Variants in LDHD observed in about 807,000 individuals in gnomAD.
LDHD encodes lactate dehydrogenase D.
LDHD carries 58 observed loss-of-function variants against 52.9 expected under a neutral mutation model. The ratio of observed to expected loss-of-function variants is 1.10; its 90% CI spans 0.89 to 1.36. The LOEUF (loss-of-function observed/expected upper bound fraction) is 1.36, where lower values mean the gene tolerates loss of function less well. Ranked by LOEUF, LDHD falls within the 40% of genes most tolerant of loss-of-function variation. LDHD has a pLI of 0.00. For synonymous variants in LDHD, 350 were observed against 288.6 expected, an observed-to-expected ratio of 1.21 and a Z score of -2.16; for missense variants, 747 against 668.0, an observed-to-expected ratio of 1.12 and a Z score of -1.30.
chr16:75,112,288 G>A lies in LDHD; in HGVS notation c.*68C>T. 3 of 1,513,870 alleles carry A rather than the reference G, an allele frequency of 2.0e-6. No individual in the cohort carries two copies. The highest frequency in any genetic ancestry group is 2.7e-6 in the Non-Finnish European group (3 of 1,114,826). The allele number at this position is 1,513,870 out of a possible 1,614,324, so 93.8% of individuals were successfully genotyped here. A position where few individuals can be genotyped will look rare whatever the true frequency, so the allele number is the denominator to read the frequency against. On this transcript the variant is annotated 3_prime_UTR_variant, in exon 11 of 11. Transcript: ENST00000450168. The stretch of plus-strand genomic sequence containing the variant: ...CATCTATTTCCTTGCAGGGGCCGTG[G>A]CATGAAGAAAAGTTCCAGAACCGGC...
At position 75,114,154 on chromosome 16, in the gene LDHD, G is replaced by C; in HGVS notation, c.641C>G (p.Ala214Gly). ...GRGRHFRKSAAGYNLTGLFVG... is the reference protein window; with the variant it reads ...GRGRHFRKSAGGYNLTGLFVG... ...GAAGAGCCCCGTGAGGTTGTAGCCG[G>C]CTGCACTCTTCCTACGTCCCAGGGA... The change falls in exon 6 of 11, where the codon GCC becomes GGC. Residue 214 changes from alanine to glycine, a missense_variant. Physicochemically the swap from Ala to Gly is moderately conservative, Grantham distance 60 (BLOSUM62 0). Transcript: ENST00000450168. The C allele has an allele frequency of 6.2e-7, 1 of 1,612,674 alleles. No individual in the cohort carries two copies. Among genetic ancestry groups the C allele is most frequent in the Non-Finnish European group, 8.5e-7 (1 of 1,179,996 alleles).
At chr16:75,115,030 G>C in intron 3 of LDHD, 62 bp from the exon 4 acceptor site, 1 of 1,565,828 alleles carries the variant, frequency 6.4e-7, no homozygotes, top group Non-Finnish European at 8.7e-7. Flanking sequence ...CACGTCCCCG[G>C]ACCACACCCC....
intron 1 of LDHD, 57 bp downstream of exon 1, chr16:75,116,592 C>G (rs750990080): frequency 6.9e-7 from 1 of 1,447,340 alleles, no homozygotes; most frequent in Non-Finnish European, 9.6e-7. Flanking sequence ...GATCAGAACC[C>G]CCTGCTCCCC....
chr16:75,114,291 C>T, intron 5 of LDHD, 126 bp from the exon 6 acceptor site: 2 of 1,532,620 alleles, frequency 1.3e-6, no homozygotes, highest in Non-Finnish European at 8.7e-7. Context: ...TCCCTCGGGC[C>T]CAGTTTCCCT....
intron 7 of LDHD, 28 bp downstream of exon 7, chr16:75,113,714 C>G: frequency 1.2e-6 from 2 of 1,613,130 alleles, no homozygotes; most frequent in Non-Finnish European, 1.7e-6. Flanking sequence ...GGCAGCCCAC[C>G]CTGCTGCCCC....
In LDHD at chr16:75,115,545, T is replaced by C. The variant is rs1408347451; in HGVS notation, c.185+3A>G. The C allele has an allele frequency of 3.1e-6, 5 of 1,612,516 alleles. No homozygotes were observed. The East Asian group carries it at 6.7e-5, about 22-fold the overall frequency. On this transcript the variant is annotated splice_donor_region_variant and intron_variant, in intron 2 of 10. Coordinates refer to ENST00000450168, the MANE Select transcript of LDHD (RefSeq NM_194436.3). Reference sequence around the variant, plus strand: ...GGGGAGGGGCCCGCGAACCCTCCCATACCTGTGCACCGACTCATCGCGCCC... The same window carrying C: ...GGGGAGGGGCCCGCGAACCCTCCCACACCTGTGCACCGACTCATCGCGCCC...
At chr16:75,113,006 A>C in intron 8 of LDHD, 82 bp from the exon 9 acceptor site, 1 of 991,598 alleles carries the variant, frequency 1.0e-6, no homozygotes, top group Non-Finnish European at 1.6e-6. Context: ...GATGGGTCGG[A>C]GGGCACTGGG....
In LDHD at chr16:75,113,823, G is replaced by T. The variant is rs2036469470; in HGVS notation, c.877C>A (p.Leu293Met). The change falls in exon 7 of 11, where the codon CTG becomes ATG. Residue 293 changes from leucine to methionine, a missense_variant. Coordinates refer to ENST00000450168, the MANE Select transcript of LDHD (RefSeq NM_194436.3). ...AGTGTGGGCGCCACTAAGCAATTCA[G>T]CTTGCTGTACCTGTTGCAGGCATCC... Reference protein sequence around the residue: ...MMDACNRYSKLNCLVAPTLFL... With the variant: ...MMDACNRYSKMNCLVAPTLFL... 6.2e-7 allele frequency: 1 copy of T among 1,614,106 alleles called. No homozygotes were observed. The highest frequency in any genetic ancestry group is 1.6e-4 in the Middle Eastern group (1 of 6,062).
Position 75,114,115 on chromosome 16 carries a change from C to T in LDHD, c.680G>A (p.Gly227Glu), listed in dbSNP as rs1281106796. 4.3e-6 allele frequency: 7 copies of T among 1,612,460 alleles called. No individual in the cohort carries two copies. The Admixed American group carries it at 1.0e-4, about 23-fold the overall frequency. Residue 227 changes from glycine to glutamate, a missense_variant, in exon 6 of 11, where the codon GGG (glycine) becomes GAG (glutamate). Physicochemically the swap from Gly to Glu is moderately conservative, Grantham distance 98 (BLOSUM62 -2). Coordinates refer to ENST00000450168, the MANE Select transcript of LDHD (RefSeq NM_194436.3). The part of the protein sequence containing the change: ...NLTGLFVGSE[G>E]TLGLITATTL... Reference sequence around the variant, plus strand: ...GGTGGCTGTGATGAGGCCCAGCGTCCCCTCGGAGCCCACGAAGAGCCCCGT... The same window carrying T: ...GGTGGCTGTGATGAGGCCCAGCGTCTCCTCGGAGCCCACGAAGAGCCCCGT...
chr16:75,113,555 C>G lies in LDHD; in HGVS notation c.1066G>C (p.Ala356Pro). The G allele has an allele frequency of 6.2e-7, 1 of 1,611,504 alleles. No homozygotes were observed. Among genetic ancestry groups the G allele is most frequent in the Non-Finnish European group, 8.5e-7 (1 of 1,179,096 alleles). Residue 356 changes from alanine (A) to proline (P), a missense_variant, in exon 8 of 11, where the codon GCC (alanine) becomes CCC (proline). Transcript: ENST00000450168. ...ARHNAWYAAL[A>P]TRPGCKGYST... The stretch of plus-strand genomic sequence containing the variant: ...CTCACCTTGCAGCCTGGCCGCGTGG[C>G]CAGGGCTGCGTACCAGGCATTGTGC...
intron 6 of LDHD, 30 bp from the exon 7 acceptor site, chr16:75,113,900 AGGCCT>A: frequency 6.2e-7 from 1 of 1,612,480 alleles, no homozygotes; most frequent in Non-Finnish European, 8.5e-7. Flanking sequence ...AGGCCAGGTG[AGGCCT>A]GGCCTTCCCA....
At position 75,112,496 on chromosome 16, in the gene LDHD, ACGTT is replaced by A; in HGVS notation, c.1311_1314del (p.Thr438AlafsTer34). 1 of 1,613,386 alleles carries A rather than the reference ACGTT, an allele frequency of 6.2e-7. No homozygotes were observed. Among genetic ancestry groups the A allele is most frequent in the Non-Finnish European group, 8.5e-7 (1 of 1,179,934 alleles). On this transcript the variant is annotated frameshift_variant, in exon 11 of 11. Transcript: ENST00000450168. LOFTEE classifies it high-confidence loss of function. ...ATTCCGATGCCATGCTCCCCCGTGC[ACGTT>A]CCGTGGAGAGCCAGTGCCCGCCTGG... is the stretch of plus-strand genomic sequence containing the variant.
In LDHD at chr16:75,114,639, C is replaced by G. The variant is rs989823100; in HGVS notation, c.516G>C (p.Ala172=). 2.6e-6 allele frequency: 4 copies of G among 1,530,974 alleles called. No homozygotes were observed. Among genetic ancestry groups the G allele is most frequent in the Non-Finnish European group, 3.5e-6 (4 of 1,141,110 alleles). The allele number at this position is 1,530,974 out of a possible 1,614,324, so 94.8% of individuals were successfully genotyped here. The change falls in exon 5 of 11, where the codon GCG becomes GCC. Residue 172 remains alanine (A), a synonymous_variant. Transcript: ENST00000450168. ...ASLCGMAATG[A]SGTNAVRYGT... is the part of the protein sequence containing the mutation. ...CGTAGCGGACCGCGTTGGTCCCCGA[C>G]GCCCCGGTGGCCGCCATGCCACAGA...
At position 75,112,528 on chromosome 16, in the gene LDHD, G is replaced by A. The variant is rs2036419565; in HGVS notation, c.1290-7C>T. The A allele has an allele frequency of 1.2e-6, 2 of 1,612,998 alleles. No homozygotes were observed. Among genetic ancestry groups the A allele is most frequent in the East Asian group, 4.5e-5 (2 of 44,864 alleles). On this transcript the variant is annotated splice_region_variant and splice_polypyrimidine_tract_variant and intron_variant, in intron 10 of 10. Coordinates refer to ENST00000450168, the MANE Select transcript of LDHD (RefSeq NM_194436.3). ...GTGGAGAGCCAGTGCCCGCCTGGGG[G>A]CAGGAAGGAGACATCCTCAGGGGGC...
rs200890254 is a variant in LDHD, at chr16:75,115,665, A to G, written c.73-5T>C. 1.3e-6 allele frequency: 2 copies of G among 1,581,056 alleles called. No individual in the cohort carries two copies. The highest frequency in any genetic ancestry group is 1.7e-6 in the Non-Finnish European group (2 of 1,157,146). ...GAAGTCCCTGCAGAGCTCTCCCTGC[A>G]GGGAAGAAACACACTGCCAGGGTCC... On this transcript the variant is annotated splice_polypyrimidine_tract_variant and splice_region_variant and intron_variant, in intron 1 of 10. Coordinates refer to ENST00000450168, the MANE Select transcript of LDHD (RefSeq NM_194436.3).
At chr16:75,114,287 G>A (rs771938175) in intron 5 of LDHD, 122 bp from the exon 6 acceptor site, 59 of 1,533,836 alleles carry the variant, frequency 3.8e-5, no homozygotes, top group Non-Finnish European at 4.4e-5. Context: ...GGCCTCCCTC[G>A]GGCCCAGTTT....
intron 1 of LDHD, among the ~76,000 whole-genome samples, chr16:75,115,901 A>C (rs2036546236): frequency 6.7e-6 from 1 of 149,764 alleles, no homozygotes; most frequent in Non-Finnish European, 1.5e-5. Flanking sequence ...ACGCCACCAG[A>C]ATTTTTTTAA....
At position 75,112,820 on chromosome 16, in the gene LDHD, A is replaced by G; in HGVS notation, c.1177+14T>C. 1 of 1,609,592 alleles carries G rather than the reference A, an allele frequency of 6.2e-7. No individual in the cohort carries two copies. The highest frequency in any genetic ancestry group is 8.5e-7 in the Non-Finnish European group (1 of 1,176,912). On this transcript the variant is annotated intron_variant, in intron 9 of 10. Transcript: ENST00000450168. ...CACCTCCCCACCTCTCCCCAGCAGC[A>G]GGGTGGGCAGAACCTGTGAGTCCTG... is the stretch of plus-strand genomic sequence containing the variant.
rs1231336314 is a variant in LDHD, at chr16:75,114,840, G to A, written c.456C>T (p.Leu152=). The change falls in exon 4 of 11, where the codon CTC becomes CTT. Residue 152 remains leucine (L), a synonymous_variant. Coordinates refer to ENST00000450168, the MANE Select transcript of LDHD (RefSeq NM_194436.3). ...ALNAHLRDSG[L]WFPVDPGADA... ...CGCGAGTCCTACCCACGGGAAACCA[G>A]AGGCCGCTGTCCCGCAGGTGGGCGT... 6.2e-7 allele frequency: 1 copy of A among 1,613,410 alleles called. No individual in the cohort carries two copies. The highest frequency in any genetic ancestry group is 2.2e-5 in the East Asian group (1 of 44,878).
Sources: gnomAD v4.1 joint callset for allele counts (sites outside exome capture counted in the v4.1 genomes callset) on GRCh38, gnomAD v4.1.1 for gene constraint, MANE v1.5 for transcripts, NCBI Gene and HGNC (gene_info 2026-07-23, HGNC 2026-07-21) for gene names.